Variants in TMEM132D observed in about 807,000 individuals in gnomAD.
TMEM132D encodes mature OL transmembrane protein.
Under a neutral mutation model 62.3 loss-of-function variants are expected in TMEM132D, and 21 were observed. The observed-to-expected ratio is 0.34, with a 90% CI of 0.24 to 0.49. The LOEUF (loss-of-function observed/expected upper bound fraction) is 0.49. Ranked by LOEUF, TMEM132D falls within the 20% of genes least tolerant of loss-of-function variation. The probability of loss-of-function intolerance (pLI) is 0.99; values close to 1 mark genes in which losing one functional copy is unlikely to be tolerated. For missense variants in TMEM132D, 1,346 were observed against 1,402.8 expected (o/e 0.96, Z 0.65); for synonymous variants, 621 against 575.6 (o/e 1.08, Z -1.13).
intron 2 of TMEM132D, among the ~76,000 whole-genome samples, chr12:129,665,505 CT>C (rs566219788): frequency 2.3e-4 from 34 of 148,256 alleles, no homozygotes; most frequent in East Asian, 5.9e-4. Context: ...GGCTTCTAGG[CT>C]TTTTTTTTTC....
chr12:129,462,027 C>G (rs769843571), intron 3 of TMEM132D, among the ~76,000 whole-genome samples: 3 of 152,254 alleles, frequency 2.0e-5, no homozygotes, highest in Middle Eastern at 3.4e-3. Flanking sequence ...TTAAGTAACT[C>G]ACTCAAGGCC....
At chr12:129,614,853 T>C (rs1878872625) in intron 2 of TMEM132D, among the ~76,000 whole-genome samples, 1 of 152,226 alleles carries the variant, frequency 6.6e-6, no homozygotes, top group African/African-American at 2.4e-5. Context: ...TCTTAAAAGC[T>C]AGCCATGTCT....
rs565500276 is a variant in TMEM132D, at chr12:129,598,145, G to A, written c.969-66940C>T. ...GTAGAATTCTAGCACACTATAAGCC[G>A]GATTTCCTGGACAGATTCTTATAAA... On this transcript the variant is annotated intron_variant, in intron 2 of 8. Transcript: ENST00000422113. Among the ~76,000 whole-genome samples the A allele has an allele frequency of 1.8e-4, 28 of 152,208 alleles. 1 individual carries two copies. Among genetic ancestry groups the A allele is most frequent in the Admixed American group, 8.5e-4 (13 of 15,292 alleles).
intron 4 of TMEM132D, among the ~76,000 whole-genome samples, chr12:129,294,455 C>T (rs1029618483): frequency 2.7e-5 from 4 of 149,586 alleles, no homozygotes; most frequent in South Asian, 2.1e-4. Context: ...GTGCCCCATG[C>T]TTAACACAGG....
intron 2 of TMEM132D, among the ~76,000 whole-genome samples, chr12:129,589,284 C>G (rs1878125246): frequency 6.6e-6 from 1 of 152,138 alleles, no homozygotes; most frequent in Admixed American, 6.5e-5. Flanking sequence ...GGCTCTCATT[C>G]TCCGTTGTCT....
chr12:129,632,882 C>T (rs916937520), intron 2 of TMEM132D, among the ~76,000 whole-genome samples: 1 of 152,330 alleles, frequency 6.6e-6, no homozygotes, highest in East Asian at 1.9e-4. Context: ...TTGTCAGCCA[C>T]TTCGGTGCAT....
intron 2 of TMEM132D, among the ~76,000 whole-genome samples, chr12:129,667,385 C>T (rs939139806): frequency 2.6e-5 from 4 of 152,020 alleles, no homozygotes; most frequent in African/African-American, 9.7e-5. Context: ...GGTTAAATGG[C>T]AGGGGGAACA....
At chr12:129,593,132 A>T (rs938046206) in intron 2 of TMEM132D, among the ~76,000 whole-genome samples, 1 of 151,966 alleles carries the variant, frequency 6.6e-6, no homozygotes, top group Non-Finnish European at 1.5e-5. Flanking sequence ...GGGAAAAAAA[A>T]GGTTAATCGT....
chr12:129,417,419 T>A (rs554921999), intron 3 of TMEM132D, among the ~76,000 whole-genome samples: 9 of 152,288 alleles, frequency 5.9e-5, no homozygotes, highest in Admixed American at 1.3e-4. Flanking sequence ...ATCTGATCTT[T>A]GACAAATCTG....
chr12:129,795,942 G>A (rs1432988657), intron 1 of TMEM132D, among the ~76,000 whole-genome samples: 2 of 151,970 alleles, frequency 1.3e-5, no homozygotes, highest in Non-Finnish European at 2.9e-5. Context: ...CCTGGATTAC[G>A]TTGGCTTCCT....
intron 2 of TMEM132D, among the ~76,000 whole-genome samples, chr12:129,621,665 G>T (rs891494745): frequency 6.6e-5 from 10 of 152,198 alleles, no homozygotes; most frequent in Non-Finnish European, 1.5e-4. Context: ...AGAGCGACAT[G>T]TTAACTATTC....
chr12:129,352,541 A>G (rs1317869264), intron 3 of TMEM132D, among the ~76,000 whole-genome samples: 1 of 152,044 alleles, frequency 6.6e-6, no homozygotes, highest in Non-Finnish European at 1.5e-5. Context: ...CAGAATCTAC[A>G]AGGAACTTAA....
At chr12:129,803,458 A>G (rs375549494) in intron 1 of TMEM132D, among the ~76,000 whole-genome samples, 1 of 152,054 alleles carries the variant, frequency 6.6e-6, no homozygotes, top group Admixed American at 6.6e-5. Context: ...ATAACGAAAT[A>G]AAGGCAGAAA....
intron 2 of TMEM132D, among the ~76,000 whole-genome samples, chr12:129,580,559 C>T (rs924629551): frequency 4.0e-4 from 61 of 152,074 alleles, no homozygotes; most frequent in African/African-American, 1.5e-3. Flanking sequence ...TCACAATTAG[C>T]TGGGCGTGGT....
intron 3 of TMEM132D, among the ~76,000 whole-genome samples, chr12:129,528,395 C>A: frequency 7.0e-6 from 1 of 142,446 alleles, no homozygotes; most frequent in African/African-American, 2.6e-5. Flanking sequence ...ATTTTAGTTG[C>A]AGATGTCTTA....
intron 3 of TMEM132D, among the ~76,000 whole-genome samples, chr12:129,437,671 C>G (rs989081192): frequency 6.6e-6 from 1 of 152,012 alleles, no homozygotes; most frequent in African/African-American, 2.4e-5. Context: ...CATCCCTATA[C>G]CATAGGATAC....
chr12:129,723,495 C>T (rs2137246196), intron 1 of TMEM132D, among the ~76,000 whole-genome samples: 1 of 152,328 alleles, frequency 6.6e-6, no homozygotes, highest in African/African-American at 2.4e-5. Context: ...CAGGCTGTCA[C>T]AGGACTAGCG....
intron 5 of TMEM132D, among the ~76,000 whole-genome samples, chr12:129,176,433 G>A (rs1279572113): frequency 6.6e-6 from 1 of 152,202 alleles, no homozygotes; most frequent in East Asian, 1.9e-4. Flanking sequence ...GTTGCCATAG[G>A]CTGTTGTTGG....
At chr12:129,375,356 T>C (rs1209451278) in intron 3 of TMEM132D, among the ~76,000 whole-genome samples, 1 of 152,176 alleles carries the variant, frequency 6.6e-6, no homozygotes, top group Non-Finnish European at 1.5e-5. Context: ...ACAAAATTCG[T>C]GTTTAGAACA....
Sources: gnomAD v4.1 joint callset for allele counts (sites outside exome capture counted in the v4.1 genomes callset) on GRCh38, gnomAD v4.1.1 for gene constraint, MANE v1.5 for transcripts, NCBI Gene and HGNC (gene_info 2026-07-23, HGNC 2026-07-21) for gene names.